The following ZDHHC2 variants were observed in gnomAD, a reference collection of about 807,000 sequenced individuals.
ZDHHC2 encodes palmitoyltransferase ZDHHC2.
Under a neutral mutation model 55.6 loss-of-function variants are expected in ZDHHC2, and 51 were observed. The observed-to-expected ratio is 0.92, with a 90% confidence interval of 0.73 to 1.16. The LOEUF is 1.16. Ranked by LOEUF, ZDHHC2 falls within the 50% of genes most tolerant of loss-of-function variation. The pLI is 0.00. For synonymous variants in ZDHHC2, 199 were observed against 152.9 expected (o/e 1.30, Z -2.22); for missense variants, 491 against 442.4 (o/e 1.11, Z -0.99).
At position 17,215,356 on chromosome 8, in the gene ZDHHC2, G is replaced by A; in HGVS notation, c.1063+7G>A. 6.4e-7 allele frequency: 1 copy of A among 1,566,600 alleles called. No individual in the cohort carries two copies. Among genetic ancestry groups the A allele is most frequent in the Non-Finnish European group, 8.7e-7 (1 of 1,154,808 alleles). On this transcript the variant is annotated splice_region_variant and intron_variant, in intron 11 of 12. Transcript: ENST00000262096. ...CCAGGAAAATGCAAAGCTGGTAAGG[G>A]TGTGCTTGTTTGGCTGTTTTTTGAC...
chr8:17,193,592 A>C (rs1806150117), intron 3 of ZDHHC2, among the ~76,000 whole-genome samples: 1 of 152,216 alleles, frequency 6.6e-6, no homozygotes, highest in South Asian at 2.1e-4. Context: ...AGTAGGTAGC[A>C]AAGTCAGCCA....
At chr8:17,184,707 G>A (rs1805620483) in intron 1 of ZDHHC2, 82 bp from the exon 2 acceptor site, 2 of 1,146,246 alleles carry the variant, frequency 1.7e-6, no homozygotes, top group East Asian at 5.2e-5. Context: ...ACATTATTAA[G>A]CTACTTAAAT....
chr8:17,210,501 A>G (rs1263345765), intron 10 of ZDHHC2, 21 bp downstream of exon 10: 1 of 1,574,970 alleles, frequency 6.3e-7, no homozygotes, highest in East Asian at 2.3e-5. Context: ...ATTTTTTTTC[A>G]TTTTACTTTC....
chr8:17,185,340 T>A (rs1483954420), intron 2 of ZDHHC2, among the ~76,000 whole-genome samples: 1 of 152,126 alleles, frequency 6.6e-6, no homozygotes, highest in Non-Finnish European at 1.5e-5. Context: ...GAAGGAAGCA[T>A]TATCACCATA....
rs748196217 is a variant in ZDHHC2 at position 17,223,973 on chromosome 8, A to G, written c.*3752A>G. 4 of 151,720 alleles carry G rather than the reference A, an allele frequency of 2.6e-5. No homozygotes were observed. Among genetic ancestry groups the G allele is most frequent in the Non-Finnish European group, 5.9e-5 (4 of 67,718 alleles). The allele number at this position is 151,720 out of a possible 1,614,324, so 9.4% of individuals were successfully genotyped here. ...AGACTCCTGTGAATCAACTATGAAT[A>G]TGAAGTATCTCCCAGAACAATGTTG... On this transcript the variant is annotated 3_prime_UTR_variant, in exon 13 of 13. Transcript: ENST00000262096.
chr8:17,216,326 A>T (rs1440582215), intron 11 of ZDHHC2, among the ~76,000 whole-genome samples: 2 of 152,196 alleles, frequency 1.3e-5, no homozygotes, highest in African/African-American at 2.4e-5. Context: ...TCATTATTTA[A>T]TATATTATCA....
chr8:17,196,903 C>T (rs902079870), intron 4 of ZDHHC2, among the ~76,000 whole-genome samples: 18 of 149,282 alleles, frequency 1.2e-4, no homozygotes, highest in African/African-American at 2.7e-4. Context: ...AGTGAGATTT[C>T]GTCTCAGAAA....
At position 17,214,376 on chromosome 8, in the gene ZDHHC2, CAGA is replaced by C; in HGVS notation, c.951-854_951-852del. ...GCTCAAAGTTGTTGTTTCAGTTTTA[CAGA>C]AGAAGATAGAGAAAATTGTGTTCAA... On this transcript the variant is annotated intron_variant, in intron 10 of 12. Coordinates refer to ENST00000262096, the MANE Select transcript of ZDHHC2 (RefSeq NM_016353.5). Among the ~76,000 whole-genome samples the C allele has an allele frequency of 2.0e-5, 3 of 152,258 alleles. No homozygotes were observed. In the South Asian group the frequency reaches 6.2e-4, roughly 32 times the overall value.
At chr8:17,166,129 T>G (rs1265245876) in intron 1 of ZDHHC2, among the ~76,000 whole-genome samples, 1 of 152,082 alleles carries the variant, frequency 6.6e-6, no homozygotes, top group Non-Finnish European at 1.5e-5. Context: ...AGTCCAGAGG[T>G]GATGCACTGC....
At chr8:17,205,290 T>C (rs1378000638) in intron 6 of ZDHHC2, among the ~76,000 whole-genome samples, 2 of 152,330 alleles carry the variant, frequency 1.3e-5, no homozygotes, top group East Asian at 3.9e-4. Context: ...CATAGTTGGA[T>C]ATCAAACCCA....
intron 11 of ZDHHC2, among the ~76,000 whole-genome samples, chr8:17,215,888 G>C (rs1353251485): frequency 6.6e-6 from 1 of 152,158 alleles, no homozygotes; most frequent in Non-Finnish European, 1.5e-5. Context: ...TTGTTAGCAA[G>C]GAACAAGCAA....
At position 17,198,319 on chromosome 8, in the gene ZDHHC2, A is replaced by G. The variant is rs1305147601; in HGVS notation, c.444-62A>G. On this transcript the variant is annotated intron_variant, in intron 5 of 12. Coordinates refer to ENST00000262096, the MANE Select transcript of ZDHHC2 (RefSeq NM_016353.5). The stretch of plus-strand genomic sequence containing the variant: ...TGAACTAACCATAATTTATATTTTT[A>G]TAATTTAATATGATTAAAATTTCAT... The G allele has an allele frequency of 4.9e-6, 7 of 1,421,128 alleles. No homozygotes were observed. In the East Asian group the frequency reaches 1.9e-4, roughly 38 times the overall value. The allele number at this position is 1,421,128 out of a possible 1,614,324, so 88.0% of individuals were successfully genotyped here.
At chr8:17,170,329 G>T (rs952847737) in intron 1 of ZDHHC2, among the ~76,000 whole-genome samples, 1 of 152,204 alleles carries the variant, frequency 6.6e-6, no homozygotes, top group Non-Finnish European at 1.5e-5. Context: ...AGCAATTACT[G>T]CTGGTGCTAG....
chr8:17,199,551 TC>T (rs1314707164), intron 6 of ZDHHC2, among the ~76,000 whole-genome samples: 2 of 141,690 alleles, frequency 1.4e-5, no homozygotes, highest in African/African-American at 5.1e-5. Context: ...TCTTCTGTCT[TC>T]GTCTTCGTCT....
intron 1 of ZDHHC2, among the ~76,000 whole-genome samples, chr8:17,160,457 T>A (rs892900299): frequency 6.6e-6 from 1 of 152,232 alleles, no homozygotes; most frequent in African/African-American, 2.4e-5. Flanking sequence ...TAACCCCTTC[T>A]GTATTTTTAA....
intron 10 of ZDHHC2, 64 bp from the exon 11 acceptor site, chr8:17,215,173 C>A (rs1807590634): frequency 2.1e-6 from 3 of 1,442,398 alleles, no homozygotes; most frequent in African/African-American, 2.9e-5. Context: ...CATTGAGAAA[C>A]AATCAACTTT....
At chr8:17,200,301 T>C (rs1292504181) in intron 6 of ZDHHC2, among the ~76,000 whole-genome samples, 1 of 152,238 alleles carries the variant, frequency 6.6e-6, no homozygotes, top group Non-Finnish European at 1.5e-5. Flanking sequence ...AAGGCATTCA[T>C]ACCTCCAGGG....
rs1433482683 is a variant in ZDHHC2 at position 17,184,785 on chromosome 8, A to G, written c.131-4A>G. 1 of 1,549,654 alleles carries G rather than the reference A, an allele frequency of 6.5e-7. No individual in the cohort carries two copies. Among genetic ancestry groups the G allele is most frequent in the South Asian group, 1.2e-5 (1 of 83,442 alleles). On this transcript the variant is annotated splice_polypyrimidine_tract_variant and splice_region_variant and intron_variant, in intron 1 of 12. Transcript: ENST00000262096. ...TAACCTATTACCTTTTTTTCTCTTT[A>G]CAGTGTCCATGGAAAACACTGGCGA...
intron 3 of ZDHHC2, among the ~76,000 whole-genome samples, chr8:17,186,987 C>G (rs1805745114): frequency 6.6e-6 from 1 of 152,062 alleles, no homozygotes; most frequent in African/African-American, 2.4e-5. Flanking sequence ...AGCCAGCAGA[C>G]CAAAGAAAGT....
Sources: allele counts gnomAD v4.1 joint callset (sites outside exome capture counted in the v4.1 genomes callset), GRCh38; gene constraint gnomAD v4.1.1; transcripts MANE v1.5; gene names NCBI Gene and HGNC (gene_info 2026-07-23, HGNC 2026-07-21).